WDR72: variants seen among roughly 807,000 people sequenced by gnomAD.
The protein encoded by WDR72 is WD repeat domain 72, also known as WD repeat-containing protein 72.
Under a neutral mutation model 124.2 loss-of-function variants are expected in WDR72, and 120 were observed. The observed-to-expected ratio is 0.97, with a 90% CI of 0.83 to 1.12. The LOEUF (loss-of-function observed/expected upper bound fraction) is 1.12, where lower values mean the gene tolerates loss of function less well. WDR72 is among the 50% of genes most tolerant of loss of function. The pLI, the probability that WDR72 is intolerant of heterozygous loss-of-function variation, is 0.00. For missense variants in WDR72, 1,387 were observed against 1,278.8 expected, an observed-to-expected ratio of 1.08 and a Z score of -1.29; for synonymous variants, 452 against 441.7, an observed-to-expected ratio of 1.02 and a Z score of -0.29.
chr15:53,705,879 C>A, intron 10 of WDR72, 48 bp downstream of exon 10: 1 of 1,605,916 alleles, frequency 6.2e-7, no homozygotes. Context: ...GAATTAATTA[C>A]AAATTCATTC....
intron 19 of WDR72, 94 bp downstream of exon 19, chr15:53,523,124 A>G (rs1891888768): frequency 1.1e-5 from 13 of 1,152,324 alleles, no homozygotes; most frequent in Non-Finnish European, 1.7e-5. Flanking sequence ...AGAAAACAGC[A>G]TTACAATGTC....
chr15:53,646,557 T>G (rs1354625598), intron 14 of WDR72, among the ~76,000 whole-genome samples: 2 of 152,104 alleles, frequency 1.3e-5, no homozygotes, highest in Admixed American at 6.6e-5. Context: ...CTGTTTCAGG[T>G]CACCTTGTAT....
intron 16 of WDR72, among the ~76,000 whole-genome samples, chr15:53,609,912 C>G (rs2013466131): frequency 6.6e-6 from 1 of 151,868 alleles, no homozygotes. Flanking sequence ...ATATTCACAT[C>G]AAATCAAATT....
chr15:53,673,206 T>C (rs1369994830), intron 13 of WDR72, among the ~76,000 whole-genome samples: 1 of 152,228 alleles, frequency 6.6e-6, no homozygotes, highest in Non-Finnish European at 1.5e-5. Context: ...AAAAGTATCC[T>C]AGCCTAATAT....
intron 2 of WDR72, among the ~76,000 whole-genome samples, chr15:53,724,990 TAAGAA>T (rs1237122748): frequency 6.6e-6 from 1 of 151,682 alleles, no homozygotes; most frequent in African/African-American, 2.4e-5. Context: ...ATATAAAAAA[TAAGAA>T]AAGATCAAGA....
At chr15:53,585,932 C>G (rs2012188299) in intron 18 of WDR72, among the ~76,000 whole-genome samples, 1 of 152,056 alleles carries the variant, frequency 6.6e-6, no homozygotes. Context: ...AAATTATTCT[C>G]CAACACACAT....
chr15:53,609,673 T>A (rs192953193), intron 16 of WDR72, 81 bp from the exon 17 acceptor site: 13,271 of 1,200,668 alleles, frequency 0.011, 116 homozygotes, highest in Non-Finnish European at 0.013. Context: ...CATATTAGAA[T>A]CACCTGGGAA....
At chr15:53,521,671 G>A (rs1036627396) in intron 19 of WDR72, among the ~76,000 whole-genome samples, 1 of 151,938 alleles carries the variant, frequency 6.6e-6, no homozygotes, top group Non-Finnish European at 1.5e-5. Flanking sequence ...AAGGGATGAT[G>A]GAAATTTATT....
intron 13 of WDR72, among the ~76,000 whole-genome samples, chr15:53,680,245 C>G (rs1427655191): frequency 1.3e-5 from 2 of 152,112 alleles, no homozygotes; most frequent in African/African-American, 4.8e-5. Context: ...TACAAGTATG[C>G]TTAGTCATGC....
chr15:53,706,966 A>G, intron 9 of WDR72, among the ~76,000 whole-genome samples: 1 of 152,182 alleles, frequency 6.6e-6, no homozygotes, highest in Non-Finnish European at 1.5e-5. Context: ...ATGCATTTAG[A>G]GCATCCCTAG....
intron 1 of WDR72, among the ~76,000 whole-genome samples, chr15:53,735,771 A>T (rs903119799): frequency 1.3e-5 from 2 of 152,170 alleles, no homozygotes; most frequent in Admixed American, 6.5e-5. Flanking sequence ...CCAGGAACTA[A>T]TAATAAGTGA....
At chr15:53,710,791 A>G (rs2017510550) in intron 9 of WDR72, 66 bp downstream of exon 9, 3 of 1,316,372 alleles carry the variant, frequency 2.3e-6, no homozygotes, top group Non-Finnish European at 3.3e-6. Flanking sequence ...TGTGACAGAC[A>G]AAGCAACACT....
chr15:53,702,309 G>A lies in WDR72; in HGVS notation c.1394C>T (p.Thr465Ile). The change falls in exon 12 of 20, where the codon ACT (threonine) becomes ATT (isoleucine). Residue 465 changes from threonine to isoleucine, a missense_variant. Physicochemically the swap from Thr to Ile is moderately conservative, Grantham distance 89. Transcript: ENST00000360509. ...KVLKGHHQSV[T>I]SLLYPHGLSS... The stretch of plus-strand genomic sequence containing the variant: ...GAGACCATGTGGATAGAGTAATGAA[G>A]TGACACTTTGGTGGTGGCCTTTAAG... 1 of 1,614,054 alleles carries A rather than the reference G, an allele frequency of 6.2e-7. No homozygotes were observed. Among genetic ancestry groups the A allele is most frequent in the Non-Finnish European group, 8.5e-7 (1 of 1,179,958 alleles).
At chr15:53,575,562 G>T (rs1894722068) in intron 18 of WDR72, among the ~76,000 whole-genome samples, 1 of 152,084 alleles carries the variant, frequency 6.6e-6, no homozygotes, top group Admixed American at 6.6e-5. Context: ...TATAACCTGA[G>T]TCTGTGTATT....
At chr15:53,644,697 A>C (rs2614210) in intron 14 of WDR72, among the ~76,000 whole-genome samples, 13,835 of 152,040 alleles carry the variant, frequency 0.091, 1,611 homozygotes, top group African/African-American at 0.28. Context: ...ATTCTCTGAG[A>C]CCTAGGTTGC....
In WDR72 at chr15:53,515,747, T is replaced by G. The variant is rs1270917188; in HGVS notation, c.*1952A>C. ...ACATCAGAAAATATTTATCAGAGAT[T>G]CAATATTGGTTTCATTAGAACTGAT... On this transcript the variant is annotated 3_prime_UTR_variant, in exon 20 of 20. Transcript: ENST00000360509. 1.3e-5 allele frequency: 2 copies of G among 152,150 alleles called. No homozygotes were observed. The highest frequency in any genetic ancestry group is 2.9e-5 in the Non-Finnish European group (2 of 68,006). The allele number at this position is 152,150 out of a possible 1,614,324, so 9.4% of individuals were successfully genotyped here. A position where few individuals can be genotyped will look rare whatever the true frequency, so the allele number is the denominator to read the frequency against.
chr15:53,741,356 A>C (rs951169938), intron 1 of WDR72, among the ~76,000 whole-genome samples: 1 of 152,240 alleles, frequency 6.6e-6, no homozygotes, highest in Admixed American at 6.5e-5. Flanking sequence ...CAAAGCCACA[A>C]GAAATCAGAT....
At chr15:53,602,233 T>A (rs1377605648) in intron 17 of WDR72, among the ~76,000 whole-genome samples, 1 of 152,108 alleles carries the variant, frequency 6.6e-6, no homozygotes, top group Non-Finnish European at 1.5e-5. Flanking sequence ...TACTCCTGAA[T>A]GACTTTTGGG....
chr15:53,612,743 T>A (rs1433976312), intron 16 of WDR72, among the ~76,000 whole-genome samples: 1 of 151,948 alleles, frequency 6.6e-6, no homozygotes, highest in Non-Finnish European at 1.5e-5. Context: ...CACCAGAAGG[T>A]TATACATAGA....
Sources: gnomAD v4.1 joint callset for allele counts (sites outside exome capture counted in the v4.1 genomes callset) on GRCh38, gnomAD v4.1.1 for gene constraint, MANE v1.5 for transcripts, NCBI Gene and HGNC (gene_info 2026-07-23, HGNC 2026-07-21) for gene names.